PSMC6: variants seen among roughly 807,000 people sequenced by gnomAD.
PSMC6 encodes the protein 26S proteasome regulatory subunit 10B.
PSMC6 carries 3 observed loss-of-function variants against 55.9 expected under a neutral mutation model. The observed-to-expected ratio is 0.05, with a 90% CI of 0.02 to 0.14. The LOEUF is 0.14. PSMC6 is among the 10% of genes least tolerant of loss of function. The probability of loss-of-function intolerance (pLI) is 1.00; values close to 1 mark genes in which losing one functional copy is unlikely to be tolerated. For synonymous variants in PSMC6, 137 were observed against 155.9 expected, an observed-to-expected ratio of 0.88 and a Z score of 0.90; for missense variants, 210 against 478.7, an observed-to-expected ratio of 0.44 and a Z score of 5.24.
At chr14:52,716,753 CAAAAA>C (rs545760976) in intron 7 of PSMC6, among the ~76,000 whole-genome samples, 85 of 142,644 alleles carry the variant, frequency 6.0e-4, no homozygotes, top group African/African-American at 2.1e-3. Context: ...AACTCCATCT[CAAAAA>C]AAAAAGAAAA....
intron 9 of PSMC6, 175 bp downstream of exon 9, chr14:52,718,527 G>T (rs2041855158): frequency 4.4e-6 from 3 of 678,364 alleles, no homozygotes; most frequent in Non-Finnish European, 6.9e-6. Context: ...GGTGGCTCAT[G>T]CCTGTAATCC....
intron 4 of PSMC6, 93 bp from the exon 5 acceptor site, chr14:52,711,008 A>C: frequency 1.2e-6 from 1 of 811,302 alleles, no homozygotes; most frequent in Non-Finnish European, 2.1e-6. Context: ...TGGAGGGTAA[A>C]AATGAGTGTT....
chr14:52,715,405 G>A (rs886918606), intron 7 of PSMC6, among the ~76,000 whole-genome samples: 1 of 152,140 alleles, frequency 6.6e-6, no homozygotes, highest in Non-Finnish European at 1.5e-5. Context: ...TATCAGACTG[G>A]TTATTGGTTA....
chr14:52,710,860 G>A (rs1280295925), intron 4 of PSMC6: 1 of 499,948 alleles, frequency 2.0e-6, no homozygotes, highest in East Asian at 3.9e-5. Context: ...AGCTTTGTGT[G>A]TTAGTCATTT....
At chr14:52,722,352 AAG>A (rs1410236814) in intron 12 of PSMC6, 1 of 151,298 alleles carries the variant, frequency 6.6e-6, no homozygotes, top group Non-Finnish European at 1.5e-5. Context: ...TATAAGATGG[AAG>A]AGTTTATGAC....
intron 12 of PSMC6, chr14:52,723,556 T>C (rs1390421461): frequency 6.3e-6 from 1 of 159,762 alleles, no homozygotes; most frequent in Admixed American, 6.4e-5. Flanking sequence ...ATTTGGCTTG[T>C]ATGATTAAAG....
At chr14:52,712,524 T>C (rs117453359) in intron 6 of PSMC6, among the ~76,000 whole-genome samples, 246 of 152,320 alleles carry the variant, frequency 1.6e-3, no homozygotes, top group Non-Finnish European at 2.7e-3. Context: ...CATGTATACA[T>C]GCAGTATCCT....
chr14:52,712,952 TCAGGCATGGTGGCTCACGCCTGTAATCC>T (rs993931929), intron 6 of PSMC6, among the ~76,000 whole-genome samples: 4 of 151,956 alleles, frequency 2.6e-5, no homozygotes, highest in African/African-American at 9.7e-5. Context: ...TCTCTCTCGG[TCAGGCATGGTGGCTCACGCCTGTAATCC>T]CAGCACTCTG....
intron 4 of PSMC6, chr14:52,709,903 C>G (rs1328822533): frequency 5.3e-6 from 1 of 189,642 alleles, no homozygotes; most frequent in Non-Finnish European, 1.1e-5. Flanking sequence ...ATTAAGAATA[C>G]TCAGCCTGTA....
intron 7 of PSMC6, among the ~76,000 whole-genome samples, chr14:52,714,372 C>T (rs1184110039): frequency 1.3e-5 from 2 of 152,152 alleles, no homozygotes; most frequent in Admixed American, 6.5e-5. Flanking sequence ...GCAGTTCCAA[C>T]TTCTCCTCTC....
At chr14:52,707,673 A>G (rs1483814082) in intron 1 of PSMC6, 1 of 252,594 alleles carries the variant, frequency 4.0e-6, no homozygotes, top group Non-Finnish European at 7.9e-6. Flanking sequence ...CAAACAAGAG[A>G]TGAGACTCAG....
At chr14:52,710,992 T>A in intron 4 of PSMC6, 109 bp from the exon 5 acceptor site, 1 of 941,118 alleles carries the variant, frequency 1.1e-6, no homozygotes, top group Non-Finnish European at 1.7e-6. Context: ...ATATTTGTGT[T>A]CTCTCTGGAG....
At chr14:52,723,756 A>G in intron 12 of PSMC6, 1 of 1,180,656 alleles carries the variant, frequency 8.5e-7, no homozygotes, top group Non-Finnish European at 1.1e-6. Flanking sequence ...CCTGTTTTTA[A>G]AGTTTCAGGG....
At chr14:52,714,093 T>C (rs576238840) in intron 7 of PSMC6, 125 bp downstream of exon 7, 4 of 577,780 alleles carry the variant, frequency 6.9e-6, no homozygotes, top group South Asian at 2.7e-5. Context: ...CAGGCTGTAG[T>C]GCAGTGGCAC....
chr14:52,718,457 C>G, intron 9 of PSMC6, 105 bp downstream of exon 9: 1 of 1,217,316 alleles, frequency 8.2e-7, no homozygotes. Flanking sequence ...AAGTAGATAC[C>G]ACAATGAATC....
intron 12 of PSMC6, 146 bp from the exon 13 acceptor site, chr14:52,723,819 G>A: frequency 7.1e-7 from 1 of 1,415,436 alleles, no homozygotes; most frequent in Non-Finnish European, 9.2e-7. Context: ...CTTAGTTTTT[G>A]GATATTAATA....
At chr14:52,722,373 C>CT in intron 12 of PSMC6, 1 of 149,758 alleles carries the variant, frequency 6.7e-6, no homozygotes, top group Non-Finnish European at 1.5e-5. Context: ...ACCCCCCTGC[C>CT]CTTTTTTTTT....
rs537400605 is a variant in PSMC6 at position 52,707,201 on chromosome 14, TGA to T, written c.-14_-13del. On this transcript the variant is annotated 5_prime_UTR_variant, in exon 1 of 14. Transcript: ENST00000445930. ...CCATGGCCATTCCCGGCATCCCCTA[TGA>T]GAGACGGCTTCTCATCATGGCGGAC... The T allele has an allele frequency of 2.9e-4, 455 of 1,575,146 alleles. No homozygotes were observed. The highest frequency in any genetic ancestry group is 2.7e-4 in the Non-Finnish European group (315 of 1,155,678).
At chr14:52,714,134 G>A (rs1052326652) in intron 7 of PSMC6, 166 bp downstream of exon 7, 12 of 443,718 alleles carry the variant, frequency 2.7e-5, no homozygotes, top group Admixed American at 8.1e-5. Context: ...TCTGCCTTCC[G>A]GGCTCAAGTG....
Sources: allele counts gnomAD v4.1 joint callset (sites outside exome capture counted in the v4.1 genomes callset), GRCh38; gene constraint gnomAD v4.1.1; transcripts MANE v1.5; gene names NCBI Gene and HGNC (gene_info 2026-07-23, HGNC 2026-07-21).